Variants in PLEKHA7 observed in about 807,000 individuals in gnomAD.
PLEKHA7 encodes pleckstrin homology domain-containing family A member 7.
Under a neutral mutation model 170.0 loss-of-function variants are expected in PLEKHA7, and 104 were observed. The ratio of observed to expected loss-of-function variants is 0.61; its 90% CI spans 0.52 to 0.72. PLEKHA7 has a LOEUF of 0.72. Ranked by LOEUF, PLEKHA7 falls within the 30% of genes least tolerant of loss-of-function variation. The pLI is 0.00. For synonymous variants in PLEKHA7, 648 were observed against 660.8 expected (o/e 0.98, Z 0.30); for missense variants, 1,615 against 1,671.7 (o/e 0.97, Z 0.59).
intron 4 of PLEKHA7, among the ~76,000 whole-genome samples, chr11:16,857,014 C>T (rs1032753695): frequency 2.0e-5 from 3 of 152,174 alleles, no homozygotes; most frequent in African/African-American, 7.2e-5. Context: ...CAGGATGCAG[C>T]TGACGAAGCA....
intron 10 of PLEKHA7, among the ~76,000 whole-genome samples, chr11:16,822,867 G>T (rs899347968): frequency 6.6e-6 from 1 of 152,152 alleles, no homozygotes; most frequent in Non-Finnish European, 1.5e-5. Flanking sequence ...TTCTGCGCAG[G>T]GGACCAAGGC....
At chr11:16,867,646 G>A (rs1444743482) in intron 4 of PLEKHA7, among the ~76,000 whole-genome samples, 2 of 152,144 alleles carry the variant, frequency 1.3e-5, no homozygotes, top group Non-Finnish European at 2.9e-5. Flanking sequence ...TTCCCCAGGA[G>A]GTAAATCTAA....
At chr11:16,806,601 G>A (rs556366561) in intron 13 of PLEKHA7, among the ~76,000 whole-genome samples, 1 of 152,182 alleles carries the variant, frequency 6.6e-6, no homozygotes, top group Admixed American at 6.5e-5. Context: ...GGAATGCTGT[G>A]AGAGCTGGCC....
At chr11:16,968,094 C>T (rs1862483458) in intron 3 of PLEKHA7, among the ~76,000 whole-genome samples, 1 of 152,124 alleles carries the variant, frequency 6.6e-6, no homozygotes, top group South Asian at 2.1e-4. Flanking sequence ...CTAGAGCAGG[C>T]AGAGGGAATA....
chr11:16,967,110 AG>A (rs1862421141), intron 3 of PLEKHA7, among the ~76,000 whole-genome samples: 1 of 152,244 alleles, frequency 6.6e-6, no homozygotes, highest in Non-Finnish European at 1.5e-5. Flanking sequence ...AAGCATTCTA[AG>A]ACACACATGC....
chr11:16,958,610 T>C (rs1861853358), intron 3 of PLEKHA7, among the ~76,000 whole-genome samples: 1 of 152,210 alleles, frequency 6.6e-6, no homozygotes, highest in African/African-American at 2.4e-5. Context: ...TTCTACGGTC[T>C]AATATGCATT....
Position 16,816,896 on chromosome 11 carries a change from T to C in PLEKHA7, c.1770A>G (p.Pro590=). ...RVFPPRRPHT[P]AERVTVKPPD... ...GTGGCTTCACTGTGACTCGCTCTGCTGGTGTGTGTGGCCGCCGGGGTGGGA... is the reference window on the plus strand; with the variant it reads ...GTGGCTTCACTGTGACTCGCTCTGCCGGTGTGTGTGGCCGCCGGGGTGGGA... Residue 590 remains proline, a synonymous_variant, in exon 11 of 27, where the codon CCA becomes CCG. Transcript: ENST00000531066. The C allele has an allele frequency of 6.2e-7, 1 of 1,614,024 alleles. No homozygotes were observed.
intron 3 of PLEKHA7, among the ~76,000 whole-genome samples, chr11:16,970,495 G>GTAAAAAA (rs909181543): frequency 2.0e-5 from 3 of 151,810 alleles, no homozygotes; most frequent in African/African-American, 7.3e-5. Flanking sequence ...CCTTGTCTCT[G>GTAAAAAA]TAAAAAATAA....
intron 17 of PLEKHA7, among the ~76,000 whole-genome samples, chr11:16,800,215 CA>C (rs1848500833): frequency 6.6e-6 from 1 of 152,270 alleles, no homozygotes; most frequent in South Asian, 2.1e-4. Flanking sequence ...GAGAAAAAAA[CA>C]GGTTATTTTC....
chr11:16,985,559 A>G (rs1863674568), intron 3 of PLEKHA7, among the ~76,000 whole-genome samples: 2 of 152,254 alleles, frequency 1.3e-5, no homozygotes, highest in South Asian at 4.1e-4. Flanking sequence ...ACAGCCACAC[A>G]CAACAGCTAG....
intron 17 of PLEKHA7, among the ~76,000 whole-genome samples, chr11:16,798,796 T>C (rs924059727): frequency 6.6e-6 from 1 of 152,188 alleles, no homozygotes; most frequent in African/African-American, 2.4e-5. Context: ...AGTCCACTCC[T>C]AGGAGCCTAT....
chr11:16,923,497 T>C (rs1293833138), intron 3 of PLEKHA7, among the ~76,000 whole-genome samples: 1 of 152,120 alleles, frequency 6.6e-6, no homozygotes, highest in Non-Finnish European at 1.5e-5. Context: ...AAGCCTTCCT[T>C]CACTCATTTT....
At chr11:16,855,054 T>C (rs1044827826) in intron 5 of PLEKHA7, 61 bp from the exon 6 acceptor site, 1 of 1,440,954 alleles carries the variant, frequency 6.9e-7, no homozygotes, top group Non-Finnish European at 9.8e-7. Context: ...AAAAAGCACT[T>C]GTATGTTAGG....
chr11:16,817,201 G>A lies in PLEKHA7; in HGVS notation c.1465C>T (p.Arg489Ter), dbSNP rs190021480. ...HPSGGSSPPP[R>*]NLPSDYKYAQ... is the part of the protein sequence containing the mutation. ...TACTTGTAGTCACTTGGCAGGTTTC[G>A]GGGAGGTGGCGAGGAGCCCCCCGAG... Residue 489 changes from arginine to a stop codon, truncating the protein, a stop_gained, in exon 11 of 27, where the codon CGA (arginine) becomes TGA (stop). Transcript: ENST00000531066. LOFTEE classifies it high-confidence loss of function. The surrounding 1 kb of genome is among the most constrained non-coding windows in gnomAD (Gnocchi z 4.4). The A allele has an allele frequency of 3.7e-6, 6 of 1,614,098 alleles. No homozygotes were observed. Among genetic ancestry groups the A allele is most frequent in the East Asian group, 2.2e-5 (1 of 44,878 alleles).
At chr11:16,955,045 G>C (rs1009594539) in intron 3 of PLEKHA7, among the ~76,000 whole-genome samples, 3 of 152,158 alleles carry the variant, frequency 2.0e-5, no homozygotes, top group African/African-American at 7.2e-5. Flanking sequence ...GCAAATGTCA[G>C]AGTAATTTTT....
intron 3 of PLEKHA7, among the ~76,000 whole-genome samples, chr11:16,961,312 G>A (rs896067061): frequency 6.6e-6 from 1 of 152,182 alleles, no homozygotes; most frequent in Non-Finnish European, 1.5e-5. Flanking sequence ...TGGAAAGGCC[G>A]CCCAAGCGCC....
At chr11:16,784,225 T>C (rs1300925073) in intron 24 of PLEKHA7, among the ~76,000 whole-genome samples, 1 of 152,240 alleles carries the variant, frequency 6.6e-6, no homozygotes, top group Non-Finnish European at 1.5e-5. Context: ...GCCTCTGTTC[T>C]GTCTGGGAAG....
Position 16,783,706 on chromosome 11 carries a change from C to A in PLEKHA7, c.3644G>T (p.Arg1215Leu). 2 of 1,452,026 alleles carry A rather than the reference C, an allele frequency of 1.4e-6. No individual in the cohort carries two copies. The highest frequency in any genetic ancestry group is 1.4e-5 in the African/African-American group (1 of 69,656). 89.9% of individuals were successfully genotyped at this position (1,452,026 alleles called of 1,614,324 possible). The change falls in exon 25 of 27, where the codon CGG becomes CTG. Residue 1215 changes from arginine to leucine, a missense_variant. Arg to Leu is a moderately radical substitution (Grantham distance 102). Coordinates refer to ENST00000531066, the MANE Select transcript of PLEKHA7 (RefSeq NM_001329630.2). ...TGAGCAAGCGAGGGCTGACCTTGAC[C>A]GGGCGAGGATGTTGCGGATCTTCTC... ...KAEKIRNILA[R>L]SSMCNLQPTS...
At chr11:16,965,346 C>A (rs965177986) in intron 3 of PLEKHA7, among the ~76,000 whole-genome samples, 3 of 151,856 alleles carry the variant, frequency 2.0e-5, no homozygotes, top group Non-Finnish European at 2.9e-5. Flanking sequence ...GGTTTGAAGA[C>A]CCCTATCTTA....
Sources: gnomAD v4.1 joint callset for allele counts (sites outside exome capture counted in the v4.1 genomes callset) on GRCh38, gnomAD v4.1.1 for gene constraint, Gnocchi (gnomAD v3.1) non-coding constraint, MANE v1.5 for transcripts, NCBI Gene and HGNC (gene_info 2026-07-23, HGNC 2026-07-21) for gene names.